The following CCN5 variants were observed in gnomAD, a reference collection of about 807,000 sequenced individuals.
CCN5 encodes the protein cellular communication network factor 5.
A neutral mutation model predicts 18.7 loss-of-function variants in CCN5; 17 were observed. The observed-to-expected ratio is 0.91, with a 90% confidence interval of 0.62 to 1.36. The LOEUF is 1.36. Ranked by LOEUF, CCN5 falls within the 40% of genes most tolerant of loss-of-function variation. CCN5 has a pLI of 0.00. For synonymous variants in CCN5, 135 were observed against 145.2 expected (o/e 0.93, Z 0.50); for missense variants, 367 against 342.9 (o/e 1.07, Z -0.56).
At chr20:44,717,448 G>C (rs6031760) in intron 1 of CCN5, among the ~76,000 whole-genome samples, 1 of 152,176 alleles carries the variant, frequency 6.6e-6, no homozygotes, top group Non-Finnish European at 1.5e-5. Flanking sequence ...CCTGTTTTCA[G>C]GTGGGAGGGA....
intron 3 of CCN5, 41 bp downstream of exon 3, chr20:44,725,033 G>A: frequency 6.8e-7 from 1 of 1,478,540 alleles, no homozygotes. Context: ...GGACTGCCTG[G>A]GGGCGCCAAG....
chr20:44,724,663 G>C, intron 2 of CCN5, 75 bp from the exon 3 acceptor site: 1 of 1,582,720 alleles, frequency 6.3e-7, no homozygotes, highest in Non-Finnish European at 8.6e-7. Flanking sequence ...TCAGGCAGCG[G>C]GATCTGGGCA....
Position 44,727,643 on chromosome 20 carries a change from G to A in CCN5, c.*336G>A, listed in dbSNP as rs905694269. 4 of 758,562 alleles carry A rather than the reference G, an allele frequency of 5.3e-6. No homozygotes were observed. The highest frequency in any genetic ancestry group is 7.2e-6 in the Non-Finnish European group (4 of 553,858). The allele number at this position is 758,562 out of a possible 1,614,324, so 47.0% of individuals were successfully genotyped here. A position where few individuals can be genotyped will look rare whatever the true frequency, so the allele number is the denominator to read the frequency against. The stretch of plus-strand genomic sequence containing the variant: ...GAGCTTTCTCTCCGACTTCCCCTGG[G>A]CAAGAGATGGGACAAGCAGTCCCTT... On this transcript the variant is annotated 3_prime_UTR_variant, in exon 4 of 4. Coordinates refer to ENST00000190983, the MANE Select transcript of CCN5 (RefSeq NM_003881.4).
At chr20:44,715,273 G>T, upstream of CCN5, 1 of 739,902 alleles carries the variant, frequency 1.4e-6, no homozygotes, top group Non-Finnish European at 2.3e-6. Context: ...GCGCGCGCGC[G>T]CGCGCGCGTG....
At chr20:44,724,694 C>T (rs779194536) in intron 2 of CCN5, 44 bp from the exon 3 acceptor site, 10 of 1,608,790 alleles carry the variant, frequency 6.2e-6, no homozygotes, top group African/African-American at 4.0e-5. Flanking sequence ...GAAGGCTGTG[C>T]CGCTTTGCGG....
rs761348562 is a variant in CCN5 at position 44,727,412 on chromosome 20, C to A, written c.*105C>A. On this transcript the variant is annotated 3_prime_UTR_variant, in exon 4 of 4. Transcript: ENST00000190983. Reference sequence around the variant, plus strand: ...TGGTCCGTGCCCAGGCCCTTGGCTGCAGGCAACACTTTAGCTTGGGTCCAC... The same window carrying A: ...TGGTCCGTGCCCAGGCCCTTGGCTGAAGGCAACACTTTAGCTTGGGTCCAC... The A allele has an allele frequency of 9.0e-6, 13 of 1,450,640 alleles. No individual in the cohort carries two copies. Among genetic ancestry groups the A allele is most frequent in the African/African-American group, 8.6e-5 (6 of 69,716 alleles). 89.9% of individuals were successfully genotyped at this position (1,450,640 alleles called of 1,614,324 possible). A position where few individuals can be genotyped will look rare whatever the true frequency, so the allele number is the denominator to read the frequency against.
intron 3 of CCN5, among the ~76,000 whole-genome samples, chr20:44,726,324 C>A (rs1237839542): frequency 6.6e-6 from 1 of 152,024 alleles, no homozygotes; most frequent in Non-Finnish European, 1.5e-5. Flanking sequence ...CTAAGTGTGT[C>A]CCTATGCACG....
rs776358472 is a variant in CCN5 at position 44,724,880 on chromosome 20, GCCCAGCTGGGACTGCCCCCAC to G, written c.426_446del (p.Ser142_Pro148del). 1 of 1,594,370 alleles carries G rather than the reference GCCCAGCTGGGACTGCCCCCAC, an allele frequency of 6.3e-7. No individual in the cohort carries two copies. Among genetic ancestry groups the G allele is most frequent in the Non-Finnish European group, 8.5e-7 (1 of 1,171,614 alleles). On this transcript the variant is annotated inframe_deletion, in exon 3 of 4. Transcript: ENST00000190983. ...CGCTGTGCAGCGAGGATGTGCGGCT[GCCCAGCTGGGACTGCCCCCAC>G]CCCAGGAGGGTCGAGGTCCTGGGCA...
intron 1 of CCN5, 128 bp downstream of exon 1, chr20:44,715,578 C>A: frequency 9.8e-7 from 1 of 1,015,244 alleles, no homozygotes. Flanking sequence ...CACAGTCTGG[C>A]CCCCATGCCT....
At chr20:44,722,350 C>A (rs2065905312) in intron 2 of CCN5, among the ~76,000 whole-genome samples, 1 of 152,214 alleles carries the variant, frequency 6.6e-6, no homozygotes, top group South Asian at 2.1e-4. Flanking sequence ...ATGCCGGGAT[C>A]CTGATCTTCC....
intron 2 of CCN5, 148 bp downstream of exon 2, chr20:44,720,261 CA>C (rs2065890198): frequency 2.4e-6 from 2 of 829,282 alleles, no homozygotes; most frequent in Non-Finnish European, 3.8e-6. Context: ...CTTGGTGTCC[CA>C]AAGCCCACTC....
chr20:44,722,465 C>CT (rs11341536), intron 2 of CCN5, among the ~76,000 whole-genome samples: 33,406 of 106,716 alleles, frequency 0.31, 5,807 homozygotes, highest in East Asian at 0.42. Flanking sequence ...ATCTCTCTCT[C>CT]TTTTTTTTTT....
chr20:44,724,990 A>G lies in CCN5; in HGVS notation c.530A>G (p.Gln177Arg), dbSNP rs2065926453. Reference protein sequence around the residue: ...GGLGTQPLPAQGPQFSGLVSS... With the variant: ...GGLGTQPLPARGPQFSGLVSS... ...CTGGGGACCCAGCCCCTTCCAGCCC[A>G]AGGTGAGCGCAGCGGTGGTCCAGGT... Residue 177 changes from glutamine to arginine, a missense_variant and splice_region_variant, in exon 3 of 4, where the codon CAA becomes CGA. Gln to Arg is a conservative substitution (Grantham distance 43). Coordinates refer to ENST00000190983, the MANE Select transcript of CCN5 (RefSeq NM_003881.4). The G allele has an allele frequency of 6.3e-7, 1 of 1,577,834 alleles. No individual in the cohort carries two copies. Among genetic ancestry groups the G allele is most frequent in the Admixed American group, 1.8e-5 (1 of 55,130 alleles).
intron 2 of CCN5, 109 bp downstream of exon 2, chr20:44,720,222 C>G: frequency 8.6e-7 from 1 of 1,163,888 alleles, no homozygotes; most frequent in Non-Finnish European, 1.2e-6. Context: ...TGGGTGCTCA[C>G]TTCAGGTATC....
chr20:44,721,673 A>C (rs918782793), intron 2 of CCN5, among the ~76,000 whole-genome samples: 5 of 152,234 alleles, frequency 3.3e-5, no homozygotes, highest in African/African-American at 1.2e-4. Context: ...CTTCGCTTAC[A>C]AAGCTGTTAT....
chr20:44,723,445 A>G (rs1223547718), intron 2 of CCN5, among the ~76,000 whole-genome samples: 1 of 151,938 alleles, frequency 6.6e-6, no homozygotes, highest in Non-Finnish European at 1.5e-5. Flanking sequence ...GAGAGGCAAA[A>G]TAACTTGCCC....
rs371786294 is a variant in CCN5 at position 44,724,734 on chromosome 20, G to T, written c.278-4G>T. 6.2e-7 allele frequency: 1 copy of T among 1,612,288 alleles called. No homozygotes were observed. The highest frequency in any genetic ancestry group is 1.3e-5 in the African/African-American group (1 of 74,888). Reference sequence around the variant, plus strand: ...CCGATGGGGGTGCGGTTTTTCCTCCGCAGTGGCAGAGGACGACAGCAGCTG... The same window carrying T: ...CCGATGGGGGTGCGGTTTTTCCTCCTCAGTGGCAGAGGACGACAGCAGCTG... On this transcript the variant is annotated splice_polypyrimidine_tract_variant and splice_region_variant and intron_variant, in intron 2 of 3. Coordinates refer to ENST00000190983, the MANE Select transcript of CCN5 (RefSeq NM_003881.4).
At chr20:44,725,268 T>C (rs1246497506) in intron 3 of CCN5, among the ~76,000 whole-genome samples, 1 of 151,968 alleles carries the variant, frequency 6.6e-6, no homozygotes, top group Non-Finnish European at 1.5e-5. Context: ...GAAAACCCCG[T>C]CTCTACTAAA....
intron 3 of CCN5, among the ~76,000 whole-genome samples, chr20:44,725,936 G>T (rs967042661): frequency 3.9e-5 from 6 of 152,188 alleles, no homozygotes; most frequent in Admixed American, 3.9e-4. Flanking sequence ...GAGGAGGATT[G>T]ATTTCATAAA....
Sources: allele counts gnomAD v4.1 joint callset (sites outside exome capture counted in the v4.1 genomes callset), GRCh38; gene constraint gnomAD v4.1.1; transcripts MANE v1.5; gene names NCBI Gene and HGNC (gene_info 2026-07-23, HGNC 2026-07-21).